The following UBE3C variants were observed in gnomAD, a reference collection of about 807,000 sequenced individuals.
UBE3C encodes the protein ubiquitin-protein ligase E3C.
In UBE3C, 42 loss-of-function variants were observed where a neutral mutation model predicts 129.4. That is an observed-to-expected ratio of 0.32 (90% CI 0.25 to 0.42). The LOEUF (loss-of-function observed/expected upper bound fraction) is 0.42. Among genes scored for constraint, UBE3C ranks in the 10% least tolerant of loss-of-function variants. The pLI is 1.00. For synonymous variants in UBE3C, 510 were observed against 492.4 expected (o/e 1.04, Z -0.47); for missense variants, 1,049 against 1,319.1 (o/e 0.80, Z 3.17).
At chr7:157,217,605 CGG>C (rs1216432545) in intron 14 of UBE3C, among the ~76,000 whole-genome samples, 6 of 151,656 alleles carry the variant, frequency 4.0e-5, no homozygotes, top group Non-Finnish European at 5.9e-5. Context: ...GGGAAGCCGA[CGG>C]GCAGATCACT....
intron 4 of UBE3C, among the ~76,000 whole-genome samples, chr7:157,173,774 G>C (rs759661771): frequency 6.6e-6 from 1 of 152,166 alleles, no homozygotes; most frequent in Admixed American, 6.5e-5. Context: ...CTACATGTCA[G>C]ATGGTGAAGG....
intron 18 of UBE3C, among the ~76,000 whole-genome samples, chr7:157,240,989 G>C (rs965738642): frequency 3.9e-5 from 6 of 152,198 alleles, no homozygotes; most frequent in Non-Finnish European, 8.8e-5. Flanking sequence ...ACCCGGGAGA[G>C]GTAATGGATG....
intron 13 of UBE3C, among the ~76,000 whole-genome samples, chr7:157,214,243 A>G (rs536159422): frequency 6.6e-6 from 1 of 152,332 alleles, no homozygotes; most frequent in African/African-American, 2.4e-5. Context: ...AAATTTTTTT[A>G]ACATTTAATT....
At chr7:157,160,624 G>C (rs1033658314) in intron 1 of UBE3C, among the ~76,000 whole-genome samples, 7 of 152,002 alleles carry the variant, frequency 4.6e-5, no homozygotes, top group African/African-American at 1.4e-4. Flanking sequence ...TGTCTTAGTT[G>C]GTGTCTGCAA....
At chr7:157,181,757 A>G in intron 7 of UBE3C, 86 bp downstream of exon 7, 2 of 1,502,982 alleles carry the variant, frequency 1.3e-6, no homozygotes, top group Middle Eastern at 1.8e-4. Context: ...GATTTTAAAT[A>G]TAGACTTGAA....
intron 13 of UBE3C, among the ~76,000 whole-genome samples, 173 bp from the exon 14 acceptor site, chr7:157,216,694 A>G (rs1463349663): frequency 6.6e-6 from 1 of 152,208 alleles, no homozygotes; most frequent in African/African-American, 2.4e-5. Flanking sequence ...ACTGCTTTGT[A>G]TACATTATTG....
intron 5 of UBE3C, among the ~76,000 whole-genome samples, chr7:157,177,924 A>T (rs1808564250): frequency 1.4e-5 from 2 of 145,576 alleles, no homozygotes; most frequent in Admixed American, 1.4e-4. Context: ...GGTCAGATGG[A>T]TTCTGTTTTT....
intron 10 of UBE3C, chr7:157,198,310 C>G (rs1234711714): frequency 9.5e-6 from 8 of 842,280 alleles, no homozygotes; most frequent in Non-Finnish European, 1.5e-5. Context: ...GTCTGTCAGA[C>G]TTGGAAGATT....
intron 18 of UBE3C, among the ~76,000 whole-genome samples, chr7:157,242,794 A>C (rs756019628): frequency 2.8e-4 from 42 of 152,180 alleles, no homozygotes; most frequent in South Asian, 4.1e-4. Flanking sequence ...TGGTGGCTCA[A>C]GCCTGTAATC....
chr7:157,231,565 T>C, intron 18 of UBE3C: 1 of 527,042 alleles, frequency 1.9e-6, no homozygotes, highest in South Asian at 2.1e-5. Flanking sequence ...TATTCAGAGG[T>C]GGAATCTTTA....
intron 6 of UBE3C, among the ~76,000 whole-genome samples, chr7:157,180,283 A>G (rs1015636039): frequency 6.6e-6 from 1 of 152,210 alleles, no homozygotes; most frequent in African/African-American, 2.4e-5. Flanking sequence ...TTGTCAGTCT[A>G]TTCAGTAAGT....
intron 1 of UBE3C, among the ~76,000 whole-genome samples, chr7:157,139,728 C>T (rs1807377312): frequency 6.6e-6 from 1 of 152,242 alleles, no homozygotes; most frequent in Non-Finnish European, 1.5e-5. Context: ...CCAAGGTGAA[C>T]TTACCCTTTC....
At chr7:157,182,412 GGT>G (rs1808690534) in intron 8 of UBE3C, 84 bp downstream of exon 8, 4 of 1,395,922 alleles carry the variant, frequency 2.9e-6, no homozygotes, top group Non-Finnish European at 3.9e-6. Flanking sequence ...TGCAGTGGCA[GGT>G]GTTATGGAAA....
intron 18 of UBE3C, among the ~76,000 whole-genome samples, chr7:157,243,128 A>G (rs1796388843): frequency 6.6e-6 from 1 of 152,042 alleles, no homozygotes; most frequent in Non-Finnish European, 1.5e-5. Flanking sequence ...GGAAGCCACT[A>G]TGAGGAAAAT....
At chr7:157,255,287 A>C (rs1796723439) in intron 21 of UBE3C, among the ~76,000 whole-genome samples, 1 of 152,238 alleles carries the variant, frequency 6.6e-6, no homozygotes, top group Non-Finnish European at 1.5e-5. Flanking sequence ...AGATAACCCC[A>C]CATACCCACT....
chr7:157,250,182 T>A (rs1176069648), intron 19 of UBE3C, among the ~76,000 whole-genome samples: 2 of 152,114 alleles, frequency 1.3e-5, no homozygotes, highest in African/African-American at 4.8e-5. Context: ...GCTCATACAC[T>A]GTTCTGTCTA....
In UBE3C at chr7:157,177,929, G is replaced by GTTT. The variant is rs3839850; in HGVS notation, c.459-748_459-746dup. On this transcript the variant is annotated intron_variant, in intron 5 of 22. Coordinates refer to ENST00000348165, the MANE Select transcript of UBE3C (RefSeq NM_014671.3). ...GGTGATGTGTGGTCAGATGGATTCT[G>GTTT]TTTTTTTTTTTTTTTAAGAAAAAGG... 9.6e-4 allele frequency among the ~76,000 whole-genome samples: 136 copies of GTTT among 140,982 alleles called. 1 individual carries two copies. The highest frequency in any genetic ancestry group is 2.3e-3 in the Admixed American group (33 of 14,176). 92.5% of individuals were successfully genotyped at this position (140,982 alleles called of 152,430 possible).
chr7:157,252,043 C>T (rs2116689599), intron 19 of UBE3C, among the ~76,000 whole-genome samples: 1 of 151,826 alleles, frequency 6.6e-6, no homozygotes, highest in African/African-American at 2.4e-5. Context: ...GGCTGAAGCA[C>T]AAGAATCTCT....
At chr7:157,241,723 A>G (rs760563107) in intron 18 of UBE3C, among the ~76,000 whole-genome samples, 1 of 152,246 alleles carries the variant, frequency 6.6e-6, no homozygotes, top group African/African-American at 2.4e-5. Context: ...TTCTCACAAC[A>G]GCATTATTCC....
Sources: gnomAD v4.1 joint callset for allele counts (sites outside exome capture counted in the v4.1 genomes callset) on GRCh38, gnomAD v4.1.1 for gene constraint, MANE v1.5 for transcripts, NCBI Gene and HGNC (gene_info 2026-07-23, HGNC 2026-07-21) for gene names.